Variants in PCLO observed in about 807,000 individuals in gnomAD.
PCLO encodes the protein protein piccolo.
Under a neutral mutation model 427.5 loss-of-function variants are expected in PCLO, and 82 were observed. That is an observed-to-expected ratio of 0.19 (90% CI 0.16 to 0.23). The LOEUF (loss-of-function observed/expected upper bound fraction) is 0.23, where lower values mean the gene tolerates loss of function less well. Among genes scored for constraint, PCLO ranks in the 10% least tolerant of loss-of-function variants. The probability of loss-of-function intolerance (pLI) is 1.00; values close to 1 mark genes in which losing one functional copy is unlikely to be tolerated. For missense variants in PCLO, 6,239 were observed against 6,115.9 expected, an observed-to-expected ratio of 1.02 and a Z score of -0.67; for synonymous variants, 2,357 against 2,155.4, an observed-to-expected ratio of 1.09 and a Z score of -2.59.
chr7:82,759,802 T>C (rs1242912353), intron 24 of PCLO, among the ~76,000 whole-genome samples: 1 of 151,978 alleles, frequency 6.6e-6, no homozygotes, highest in African/African-American at 2.4e-5. Context: ...AAAGACGTAC[T>C]ATGTGCAAAG....
intron 19 of PCLO, among the ~76,000 whole-genome samples, chr7:82,823,495 CAT>C (rs538932733): frequency 3.5e-4 from 54 of 152,236 alleles, no homozygotes; most frequent in African/African-American, 1.2e-3. Flanking sequence ...TAAGGTACCA[CAT>C]GTTTTATCCC....
Position 82,824,311 on chromosome 7 carries a change from G to C in PCLO, c.14521C>G (p.Gln4841Glu), listed in dbSNP as rs1373986853. The change falls in exon 19 of 25, where the codon CAG becomes GAG. Residue 4841 changes from glutamine (Q) to glutamate (E), a missense_variant. Gln to Glu is a conservative substitution (Grantham distance 29). This residue lies in a region of PCLO where 877 missense variants were observed against 925.5 expected (regional missense o/e 0.95). Coordinates refer to ENST00000333891, the MANE Select transcript of PCLO (RefSeq NM_033026.6). Reference sequence around the variant, plus strand: ...GGCTTTGGGGACTGCTGGCTGCTCTGACTGGAATGAGACTTGCCATGATCA... The same window carrying C: ...GGCTTTGGGGACTGCTGGCTGCTCTCACTGGAATGAGACTTGCCATGATCA... ...SIDHGKSHSS[Q>E]SSQQSPKPSV... The C allele has an allele frequency of 6.2e-7, 1 of 1,613,266 alleles. No homozygotes were observed. Among genetic ancestry groups the C allele is most frequent in the Non-Finnish European group, 8.5e-7 (1 of 1,179,658 alleles).
At chr7:82,974,682 T>C (rs1795977907) in intron 3 of PCLO, among the ~76,000 whole-genome samples, 1 of 152,220 alleles carries the variant, frequency 6.6e-6, no homozygotes, top group Non-Finnish European at 1.5e-5. Flanking sequence ...TTTAAAAATA[T>C]ATCATTTATG....
Position 82,951,217 on chromosome 7 carries a change from G to A in PCLO, c.9371C>T (p.Ala3124Val). Residue 3124 changes from alanine (A) to valine (V), a missense_variant, in exon 6 of 25, where the codon GCT becomes GTT. This residue lies in a region of PCLO where 4,677 missense variants were observed against 4,468.4 expected (regional missense o/e 1.05). Coordinates refer to ENST00000333891, the MANE Select transcript of PCLO (RefSeq NM_033026.6). ...TVRDLSGIHT[A>V]DAVTSLPAMH... Reference sequence around the variant, plus strand: ...GGCAGGTAATGAAGTCACTGCATCAGCCGTATGAATACCAGACAAATCCCT... The same window carrying A: ...GGCAGGTAATGAAGTCACTGCATCAACCGTATGAATACCAGACAAATCCCT... 2 of 1,613,680 alleles carry A rather than the reference G, an allele frequency of 1.2e-6. No individual in the cohort carries two copies. The highest frequency in any genetic ancestry group is 1.7e-6 in the Non-Finnish European group (2 of 1,179,754).
Position 82,915,742 on chromosome 7 carries a change from T to A in PCLO, c.12244A>T (p.Thr4082Ser). Residue 4082 changes from threonine (T) to serine (S), a missense_variant, in exon 7 of 25, where the codon ACC (threonine) becomes TCC (serine). Physicochemically the swap from Thr to Ser is moderately conservative, Grantham distance 58 (BLOSUM62 1). This residue lies in a region of PCLO where 680 missense variants were observed against 677.3 expected (regional missense o/e 1.00). Transcript: ENST00000333891. The part of the protein sequence containing the change: ...DLSKTDRLLR[T>S]TETRRSQEVT... ...TCTTGAGACCGGCGTGTCTCAGTGG[T>A]TCGAAGGAGACGGTCTGTTTTTGAC... 1 of 1,612,180 alleles carries A rather than the reference T, an allele frequency of 6.2e-7. No individual in the cohort carries two copies. Among genetic ancestry groups the A allele is most frequent in the Non-Finnish European group, 8.5e-7 (1 of 1,179,020 alleles).
chr7:82,827,992 A>C, intron 16 of PCLO, 26 bp from the exon 17 acceptor site: 2 of 1,287,944 alleles, frequency 1.6e-6, no homozygotes, highest in Non-Finnish European at 2.2e-6. Context: ...AGAAAGAGTT[A>C]TCTTGATTAT....
chr7:83,006,673 A>G, intron 3 of PCLO, among the ~76,000 whole-genome samples: 1 of 151,548 alleles, frequency 6.6e-6, no homozygotes, highest in East Asian at 1.9e-4. Flanking sequence ...ATAGTGTTGT[A>G]TACTTGAATT....
intron 9 of PCLO, among the ~76,000 whole-genome samples, chr7:82,889,554 A>G (rs770948077): frequency 1.3e-5 from 2 of 152,190 alleles, no homozygotes; most frequent in Non-Finnish European, 2.9e-5. Context: ...CTTTTCTGAT[A>G]AGCAATTTGA....
chr7:82,998,958 C>T (rs546935874), intron 3 of PCLO, among the ~76,000 whole-genome samples: 20 of 150,702 alleles, frequency 1.3e-4, no homozygotes, highest in Middle Eastern at 3.4e-3. Flanking sequence ...AACAGATGGA[C>T]GGTTTGAGCA....
chr7:83,001,459 A>T (rs971303573), intron 3 of PCLO, among the ~76,000 whole-genome samples: 1 of 151,802 alleles, frequency 6.6e-6, no homozygotes, highest in African/African-American at 2.4e-5. Flanking sequence ...ATGAAAAAAA[A>T]ATCAAGGCTG....
intron 3 of PCLO, among the ~76,000 whole-genome samples, chr7:83,021,783 C>T (rs1242779827): frequency 6.6e-6 from 1 of 151,992 alleles, no homozygotes; most frequent in African/African-American, 2.4e-5. Context: ...TTAATCTTCC[C>T]TGAGTTCAAT....
intron 4 of PCLO, among the ~76,000 whole-genome samples, chr7:82,958,303 TCTTCCTTCCTTCATC>T (rs1305854681): frequency 2.5e-4 from 38 of 151,116 alleles, no homozygotes; most frequent in African/African-American, 9.0e-4. Context: ...CCTCCTTCCT[TCTTCCTTCCTTCATC>T]CTTCCTTCCT....
intron 22 of PCLO, among the ~76,000 whole-genome samples, chr7:82,771,257 T>C (rs1238045654): frequency 1.3e-5 from 2 of 151,932 alleles, no homozygotes; most frequent in Non-Finnish European, 2.9e-5. Flanking sequence ...CAAATGACTA[T>C]AAATGTTTGA....
chr7:83,042,787 G>T (rs538595623), intron 3 of PCLO, among the ~76,000 whole-genome samples: 83 of 152,086 alleles, frequency 5.5e-4, no homozygotes, highest in Non-Finnish European at 1.1e-3. Context: ...GCTTGAACCC[G>T]GGAGGCGGAG....
At chr7:82,977,211 T>C (rs961471448) in intron 3 of PCLO, among the ~76,000 whole-genome samples, 1 of 152,014 alleles carries the variant, frequency 6.6e-6, no homozygotes, top group East Asian at 1.9e-4. Context: ...ATAACCACTA[T>C]TTTAATTTTT....
intron 21 of PCLO, 25 bp from the exon 22 acceptor site, chr7:82,801,616 T>C (rs1791354817): frequency 7.3e-7 from 1 of 1,362,668 alleles, no homozygotes; most frequent in African/African-American, 1.4e-5. Flanking sequence ...AATAAAATGA[T>C]ATATTCAGTT....
At chr7:82,977,715 A>C (rs1165732276) in intron 3 of PCLO, among the ~76,000 whole-genome samples, 2 of 152,074 alleles carry the variant, frequency 1.3e-5, no homozygotes, top group African/African-American at 2.4e-5. Flanking sequence ...CACCTGGCCC[A>C]AAATTCATCT....
At chr7:82,846,708 C>A in intron 11 of PCLO, 74 bp from the exon 12 acceptor site, 1 of 941,838 alleles carries the variant, frequency 1.1e-6, no homozygotes, top group Non-Finnish European at 1.6e-6. Context: ...TCCAACTACC[C>A]TTAATTTTTT....
intron 6 of PCLO, among the ~76,000 whole-genome samples, 177 bp from the exon 7 acceptor site, chr7:82,917,050 A>G (rs1157272306): frequency 6.6e-6 from 1 of 152,164 alleles, no homozygotes; most frequent in East Asian, 1.9e-4. Context: ...AATTAACTGA[A>G]AAATAATTTT....
Sources: gnomAD v4.1 joint callset for allele counts (sites outside exome capture counted in the v4.1 genomes callset) on GRCh38, gnomAD v4.1.1 for gene constraint, gnomAD v4.1.1 regional missense constraint, MANE v1.5 for transcripts, NCBI Gene and HGNC (gene_info 2026-07-23, HGNC 2026-07-21) for gene names.